Variants in UNC79 observed in about 807,000 individuals in gnomAD.
The protein encoded by UNC79 is protein unc-79 homolog.
Under a neutral mutation model 283.1 loss-of-function variants are expected in UNC79, and 37 were observed. That is an observed-to-expected ratio of 0.13 (90% CI 0.10 to 0.17). The LOEUF is 0.17. UNC79 is among the 10% of genes least tolerant of loss of function. The pLI is 1.00. For missense variants in UNC79, 2,272 were observed against 3,211.1 expected (o/e 0.71, Z 7.07); for synonymous variants, 1,107 against 1,200.2 (o/e 0.92, Z 1.61).
chr14:93,441,250 C>T (rs1049093589), intron 1 of UNC79, among the ~76,000 whole-genome samples: 1 of 151,838 alleles, frequency 6.6e-6, no homozygotes, highest in Non-Finnish European at 1.5e-5. Context: ...ATTATGACCC[C>T]GTTTTCTTTT....
chr14:93,643,049 C>A (rs1460763323), intron 33 of UNC79, among the ~76,000 whole-genome samples: 1 of 152,154 alleles, frequency 6.6e-6, no homozygotes, highest in African/African-American at 2.4e-5. Flanking sequence ...AGAAGAGACT[C>A]CATTGTCTCC....
At position 93,623,020 on chromosome 14, in the gene UNC79, A is replaced by T. The variant is rs116282825; in HGVS notation, c.5608+179A>T. On this transcript the variant is annotated intron_variant, in intron 30 of 48. Transcript: ENST00000555664. Reference sequence around the variant, plus strand: ...GTTTAATGGACAATGTTGGATGCAGATGTGGTTCTACTGGCTCCACAAATG... The same window carrying T: ...GTTTAATGGACAATGTTGGATGCAGTTGTGGTTCTACTGGCTCCACAAATG... 2.3e-3 allele frequency among the ~76,000 whole-genome samples: 357 copies of T among 152,262 alleles called. 1 individual carries two copies. Among genetic ancestry groups the T allele is most frequent in the African/African-American group, 8.0e-3 (331 of 41,540 alleles).
At chr14:93,572,555 G>A (rs753020823) in intron 15 of UNC79, 138 bp from the exon 16 acceptor site, 29 of 1,235,912 alleles carry the variant, frequency 2.3e-5, no homozygotes, top group Non-Finnish European at 3.2e-5. Context: ...AGTGAAATAT[G>A]CTGATAACAG....
At chr14:93,369,290 A>C (rs548240283) in intron 1 of UNC79, among the ~76,000 whole-genome samples, 2 of 152,338 alleles carry the variant, frequency 1.3e-5, no homozygotes, top group Admixed American at 6.5e-5. Flanking sequence ...TCCTGGCCCA[A>C]TTCAAAGACT....
At chr14:93,686,282 A>C (rs1315678545) in intron 42 of UNC79, among the ~76,000 whole-genome samples, 1 of 151,932 alleles carries the variant, frequency 6.6e-6, no homozygotes, top group Non-Finnish European at 1.5e-5. Context: ...AAGCAGTTTA[A>C]AAACAAGCAC....
At chr14:93,391,507 A>C (rs1188641806) in intron 1 of UNC79, among the ~76,000 whole-genome samples, 3 of 152,248 alleles carry the variant, frequency 2.0e-5, no homozygotes, top group Admixed American at 2.0e-4. Flanking sequence ...TCTTCTCTTC[A>C]TCAAAAGACA....
intron 1 of UNC79, among the ~76,000 whole-genome samples, chr14:93,407,275 T>C (rs2180776): frequency 0.71 from 107,389 of 152,016 alleles, 38,417 homozygotes; most frequent in Middle Eastern, 0.78. Context: ...ACACCACAAC[T>C]CCCCAAACTA....
At chr14:93,666,065 T>TTGTG (rs3993787) in intron 40 of UNC79, among the ~76,000 whole-genome samples, 4 of 150,014 alleles carry the variant, frequency 2.7e-5, no homozygotes, top group Admixed American at 6.6e-5. Flanking sequence ...GGGTGTGTGT[T>TTGTG]TGTGTGTGTG....
chr14:93,511,339 C>A (rs898717931), intron 7 of UNC79, among the ~76,000 whole-genome samples: 5 of 152,144 alleles, frequency 3.3e-5, no homozygotes, highest in African/African-American at 1.2e-4. Flanking sequence ...ATTAAGCATG[C>A]TATTAGCTGT....
At chr14:93,640,718 A>G (rs1389843900) in intron 32 of UNC79, among the ~76,000 whole-genome samples, 1 of 152,230 alleles carries the variant, frequency 6.6e-6, no homozygotes, top group East Asian at 1.9e-4. Context: ...ACCTTCCCAT[A>G]TTAGCAAAAC....
At chr14:93,668,800 T>C (rs943685301) in intron 40 of UNC79, among the ~76,000 whole-genome samples, 5 of 149,234 alleles carry the variant, frequency 3.4e-5, no homozygotes, top group African/African-American at 9.9e-5. Flanking sequence ...ACCGTGACTG[T>C]ACCACTGCAC....
chr14:93,689,281 C>T (rs1041104082), intron 44 of UNC79: 1 of 159,404 alleles, frequency 6.3e-6, no homozygotes, highest in East Asian at 1.9e-4. Flanking sequence ...AAGAGAGAGG[C>T]ATGTATGGGT....
intron 31 of UNC79, among the ~76,000 whole-genome samples, chr14:93,631,172 C>T (rs1006630487): frequency 6.6e-6 from 1 of 152,030 alleles, no homozygotes; most frequent in Non-Finnish European, 1.5e-5. Flanking sequence ...CACTGAATTC[C>T]ATTATTCAAT....
Position 93,637,062 on chromosome 14 carries a change from AC to A in UNC79, c.5717-151del, listed in dbSNP as rs1313951105. On this transcript the variant is annotated intron_variant, in intron 31 of 48. Transcript: ENST00000555664. ...TTGTAGTAAAGCCCCAAATAACCCT[AC>A]CCTAAAATCTAGGATGTGTTCTGTA... 1.5e-5 allele frequency: 10 copies of A among 669,634 alleles called. No individual in the cohort carries two copies. In the East Asian group the frequency reaches 2.7e-4, roughly 18 times the overall value. The allele number at this position is 669,634 out of a possible 1,614,324, so 41.5% of individuals were successfully genotyped here.
At chr14:93,500,153 C>T (rs2059212009) in intron 7 of UNC79, among the ~76,000 whole-genome samples, 2 of 152,176 alleles carry the variant, frequency 1.3e-5, no homozygotes, top group South Asian at 4.1e-4. Flanking sequence ...AACTGACAGC[C>T]ACTTCCACCC....
intron 1 of UNC79, among the ~76,000 whole-genome samples, chr14:93,416,485 A>C (rs2055460702): frequency 6.6e-6 from 1 of 152,104 alleles, no homozygotes; most frequent in South Asian, 2.1e-4. Flanking sequence ...TGCTGAAAAA[A>C]ATGTATATTC....
chr14:93,488,909 C>G (rs1184647227), intron 5 of UNC79, among the ~76,000 whole-genome samples: 1 of 152,172 alleles, frequency 6.6e-6, no homozygotes, highest in Admixed American at 6.5e-5. Context: ...ACTCTGAATA[C>G]CATCACTTTG....
intron 26 of UNC79, among the ~76,000 whole-genome samples, chr14:93,611,507 A>T (rs1207634016): frequency 6.6e-6 from 1 of 152,240 alleles, no homozygotes; most frequent in Non-Finnish European, 1.5e-5. Context: ...CCTATCCCAG[A>T]GAAAAAGTAT....
At position 93,474,505 on chromosome 14, in the gene UNC79, C is replaced by A; in HGVS notation, c.448+112C>A. ...TGTTGTAATCAATCACCTGAAAGGG[C>A]TTTGTGTGGCTAGAAGCACTACACT... is the stretch of plus-strand genomic sequence containing the variant. On this transcript the variant is annotated intron_variant, in intron 3 of 48. Transcript: ENST00000555664. This position sits in a 1 kb window ranked among gnomAD's most constrained non-coding sequence, Gnocchi z 4.1. 8.2e-7 allele frequency: 1 copy of A among 1,225,822 alleles called. No homozygotes were observed. Among genetic ancestry groups the A allele is most frequent in the Non-Finnish European group, 1.1e-6 (1 of 902,644 alleles). 75.9% of individuals were successfully genotyped at this position (1,225,822 alleles called of 1,614,324 possible).
Sources: allele counts gnomAD v4.1 joint callset (sites outside exome capture counted in the v4.1 genomes callset), GRCh38; gene constraint gnomAD v4.1.1; non-coding constraint Gnocchi (gnomAD v3.1); transcripts MANE v1.5; gene names NCBI Gene and HGNC (gene_info 2026-07-23, HGNC 2026-07-21).